IPO11: variants seen among roughly 807,000 people sequenced by gnomAD.
The protein encoded by IPO11 is importin-11.
Under a neutral mutation model 143.2 loss-of-function variants are expected in IPO11, and 66 were observed. The observed-to-expected ratio is 0.46, with a 90% confidence interval of 0.38 to 0.57. The LOEUF (loss-of-function observed/expected upper bound fraction) is 0.57. IPO11 is among the 20% of genes least tolerant of loss of function. IPO11 has a pLI of 0.00. For synonymous variants in IPO11, 385 were observed against 377.8 expected, an observed-to-expected ratio of 1.02 and a Z score of -0.22; for missense variants, 1,026 against 1,141.0, an observed-to-expected ratio of 0.90 and a Z score of 1.45.
At chr5:62,589,475 A>G (rs182356617) in intron 27 of IPO11, among the ~76,000 whole-genome samples, 76 of 152,140 alleles carry the variant, frequency 5.0e-4, no homozygotes, top group Non-Finnish European at 6.8e-4. Context: ...GTCATCCTAG[A>G]CTCTTTCCTC....
intron 27 of IPO11, among the ~76,000 whole-genome samples, chr5:62,585,637 A>G (rs1435343172): frequency 6.6e-6 from 1 of 152,206 alleles, no homozygotes; most frequent in African/African-American, 2.4e-5. Context: ...GCTTTAAAGC[A>G]AGGAAAAGAT....
intron 27 of IPO11, among the ~76,000 whole-genome samples, chr5:62,588,867 T>C (rs1744904805): frequency 6.6e-6 from 1 of 152,206 alleles, no homozygotes; most frequent in African/African-American, 2.4e-5. Context: ...TCTTTTTGTC[T>C]TTGGTCAAGG....
chr5:62,487,815 T>A lies in IPO11; in HGVS notation c.1263T>A (p.Asn421Lys). 6.2e-7 allele frequency: 1 copy of A among 1,609,532 alleles called. No individual in the cohort carries two copies. The highest frequency in any genetic ancestry group is 1.1e-5 in the South Asian group (1 of 89,874). Reference protein sequence around the residue: ...VLFIDIFHEYNQTLTPVLLEM... With the variant: ...VLFIDIFHEYKQTLTPVLLEM... ...TTATAGATATATTCCATGAATATAATCAGACTCTTACTCCTGTACTTCTAG... is the reference window on the plus strand; with the variant it reads ...TTATAGATATATTCCATGAATATAAACAGACTCTTACTCCTGTACTTCTAG... The change falls in exon 13 of 30, where the codon AAT (asparagine) becomes AAA (lysine). Residue 421 changes from asparagine to lysine, a missense_variant. Asn to Lys is a moderately conservative substitution (Grantham distance 94). Around this residue, in one of 5 missense-constraint regions of IPO11, gnomAD observed 237 missense variants for 288.0 expected, o/e 0.82. Coordinates refer to ENST00000325324, the MANE Select transcript of IPO11 (RefSeq NM_016338.5).
chr5:62,435,154 A>ATATATG (rs1561308977), intron 1 of IPO11, among the ~76,000 whole-genome samples: 6,531 of 62,368 alleles, frequency 0.1, 560 homozygotes, highest in Middle Eastern at 0.13. Flanking sequence ...GTATATATGT[A>ATATATG]TATATATGTA....
intron 21 of IPO11, among the ~76,000 whole-genome samples, chr5:62,530,243 T>C (rs1358409824): frequency 1.3e-5 from 2 of 152,322 alleles, no homozygotes; most frequent in East Asian, 1.9e-4. Context: ...GTTGTGTCTT[T>C]CTATCAACAG....
chr5:62,484,065 T>C lies in IPO11; in HGVS notation c.1077T>C (p.Tyr359=), dbSNP rs1428681807. 2 of 1,609,620 alleles carry C rather than the reference T, an allele frequency of 1.2e-6. No individual in the cohort carries two copies. Among genetic ancestry groups the C allele is most frequent in the African/African-American group, 1.3e-5 (1 of 74,774 alleles). The part of the protein sequence containing the change: ...AHKIKMAFFT[Y]PTLTEICRRL... ...AGATTAAGATGGCATTCTTCACATATCCTACTTTGACAGAGATATGTAGAA... is the reference window on the plus strand; with the variant it reads ...AGATTAAGATGGCATTCTTCACATACCCTACTTTGACAGAGATATGTAGAA... The change falls in exon 11 of 30, where the codon TAT becomes TAC. Residue 359 remains tyrosine (Y), a synonymous_variant. Transcript: ENST00000325324.
chr5:62,573,974 A>G (rs1355696430), intron 27 of IPO11, among the ~76,000 whole-genome samples: 1 of 152,180 alleles, frequency 6.6e-6, no homozygotes, highest in Non-Finnish European at 1.5e-5. Context: ...ATGTTCATTC[A>G]ACTTCTGTTT....
At chr5:62,561,081 C>T (rs931269472) in intron 26 of IPO11, 55 bp from the exon 27 acceptor site, 8 of 1,488,494 alleles carry the variant, frequency 5.4e-6, no homozygotes, top group Admixed American at 4.2e-5. Context: ...AAAGTATTTA[C>T]CCACAAGTAA....
chr5:62,590,841 T>A (rs1401901090), intron 27 of IPO11, among the ~76,000 whole-genome samples: 1 of 152,158 alleles, frequency 6.6e-6, no homozygotes, highest in Admixed American at 6.6e-5. Flanking sequence ...TGAGCATCCT[T>A]TTAGGATGCT....
chr5:62,623,913 A>G (rs1746464001), intron 29 of IPO11, among the ~76,000 whole-genome samples: 1 of 151,628 alleles, frequency 6.6e-6, no homozygotes, highest in East Asian at 2.0e-4. Context: ...GTGAGCCACA[A>G]TGCCCGGCCT....
chr5:62,445,966 C>T (rs1263317871), intron 3 of IPO11, among the ~76,000 whole-genome samples: 1 of 152,004 alleles, frequency 6.6e-6, no homozygotes. Context: ...AGTTCAATTA[C>T]AAGTTTAAAG....
intron 28 of IPO11, among the ~76,000 whole-genome samples, chr5:62,598,407 T>C (rs1396501128): frequency 2.0e-3 from 21 of 10,502 alleles, no homozygotes; most frequent in African/African-American, 6.8e-3. Flanking sequence ...TTTCTTTCTT[T>C]CTTTCTTTCT....
chr5:62,604,275 C>G (rs951396747), intron 29 of IPO11, among the ~76,000 whole-genome samples: 2 of 152,136 alleles, frequency 1.3e-5, no homozygotes, highest in Non-Finnish European at 2.9e-5. Flanking sequence ...GTGGTATGAT[C>G]TCGGCTCTCT....
rs189399685 is a variant in IPO11, at chr5:62,488,962, C to A, written c.1310-340C>A. ...AGGCTGCAGTGAACTGAGAAAACCT[C>A]ACTCCACTGTACTCCAGCCTGGGTG... On this transcript the variant is annotated intron_variant, in intron 13 of 29. Transcript: ENST00000325324. Among the ~76,000 whole-genome samples, 3 of 152,322 alleles carry A rather than the reference C, an allele frequency of 2.0e-5. No homozygotes were observed. The East Asian group carries it at 5.8e-4, about 29-fold the overall frequency.
intron 19 of IPO11, among the ~76,000 whole-genome samples, chr5:62,508,764 G>A (rs1013113685): frequency 3.3e-5 from 5 of 150,904 alleles, no homozygotes; most frequent in Admixed American, 6.6e-5. Flanking sequence ...CGCACCACTC[G>A]CCCCCAACAG....
At chr5:62,543,543 AT>A (rs1414159283) in intron 24 of IPO11, among the ~76,000 whole-genome samples, 1 of 152,084 alleles carries the variant, frequency 6.6e-6, no homozygotes, top group South Asian at 2.1e-4. Context: ...CCCCTTTAAC[AT>A]TTTTTATCAC....
intron 16 of IPO11, among the ~76,000 whole-genome samples, chr5:62,502,750 G>A (rs1340856953): frequency 6.6e-6 from 1 of 152,092 alleles, no homozygotes; most frequent in African/African-American, 2.4e-5. Flanking sequence ...GAGGAAAGTC[G>A]AGAGAATTAA....
chr5:62,592,571 A>G (rs114722822), intron 28 of IPO11, among the ~76,000 whole-genome samples: 4,050 of 152,206 alleles, frequency 0.027, 172 homozygotes, highest in African/African-American at 0.09. Context: ...TTATGGCTGT[A>G]TTAGTCCATT....
At chr5:62,541,637 T>G (rs1742941535) in intron 24 of IPO11, among the ~76,000 whole-genome samples, 1 of 151,796 alleles carries the variant, frequency 6.6e-6, no homozygotes, top group African/African-American at 2.4e-5. Context: ...GCTGAGATTG[T>G]GCCACTATAC....
Sources: gnomAD v4.1 joint callset for allele counts (sites outside exome capture counted in the v4.1 genomes callset) on GRCh38, gnomAD v4.1.1 for gene constraint, gnomAD v4.1.1 regional missense constraint, MANE v1.5 for transcripts, NCBI Gene and HGNC (gene_info 2026-07-23, HGNC 2026-07-21) for gene names.